CSMD1: variants seen among roughly 807,000 people sequenced by gnomAD.
CSMD1 encodes the protein CUB and Sushi multiple domains 1, also known as CUB and sushi domain-containing protein 1.
Under a neutral mutation model 417.5 loss-of-function variants are expected in CSMD1, and 213 were observed. The observed-to-expected ratio is 0.51, with a 90% CI of 0.46 to 0.57. The LOEUF (loss-of-function observed/expected upper bound fraction) is 0.57. CSMD1 is among the 20% of genes least tolerant of loss of function. The probability of loss-of-function intolerance (pLI) is 0.00; values close to 1 mark genes in which losing one functional copy is unlikely to be tolerated. For synonymous variants in CSMD1, 2,862 were observed against 1,736.8 expected (o/e 1.65, Z -16.11); for missense variants, 6,923 against 4,529.7 (o/e 1.53, Z -15.17).
chr8:3,501,046 T>G (rs1425050042), intron 10 of CSMD1, among the ~76,000 whole-genome samples: 2 of 152,116 alleles, frequency 1.3e-5, no homozygotes, highest in Non-Finnish European at 2.9e-5. Flanking sequence ...AAATATTAAT[T>G]TATAAACAAA....
intron 3 of CSMD1, among the ~76,000 whole-genome samples, chr8:4,194,901 T>C (rs1415462626): frequency 6.6e-6 from 1 of 152,102 alleles, no homozygotes; most frequent in Non-Finnish European, 1.5e-5. Flanking sequence ...GAACTGTTAG[T>C]TCTAATTTAA....
intron 2 of CSMD1, among the ~76,000 whole-genome samples, chr8:4,484,897 C>A (rs1801288620): frequency 7.1e-6 from 1 of 141,346 alleles, no homozygotes; most frequent in Non-Finnish European, 1.5e-5. Flanking sequence ...GGCGTGAACC[C>A]GGGAGGCAGA....
At chr8:4,560,919 A>T (rs1798302194) in intron 2 of CSMD1, among the ~76,000 whole-genome samples, 1 of 152,188 alleles carries the variant, frequency 6.6e-6, no homozygotes, top group Admixed American at 6.5e-5. Flanking sequence ...TCACTTATCA[A>T]AGATCCGTTT....
intron 3 of CSMD1, among the ~76,000 whole-genome samples, chr8:4,141,830 T>C (rs1234203298): frequency 1.3e-5 from 2 of 151,082 alleles, no homozygotes; most frequent in African/African-American, 4.9e-5. Flanking sequence ...ATATAATTCA[T>C]CATTTATCGT....
chr8:3,464,772 C>A (rs1027161828), intron 12 of CSMD1, among the ~76,000 whole-genome samples: 1 of 152,000 alleles, frequency 6.6e-6, no homozygotes, highest in East Asian at 1.9e-4. Flanking sequence ...TTACATCCTG[C>A]TTCTTAGCAT....
chr8:4,668,362 C>G (rs541807211), intron 1 of CSMD1, among the ~76,000 whole-genome samples: 82 of 151,282 alleles, frequency 5.4e-4, no homozygotes, highest in African/African-American at 1.8e-3. Flanking sequence ...GCCTTGAACC[C>G]TCGTCTCTAG....
rs150165874 is a variant in CSMD1 at position 3,097,807 on chromosome 8, G to A, written c.6950-770C>T. On this transcript the variant is annotated intron_variant, in intron 46 of 69. Transcript: ENST00000635120. ...TTAGCATAGTAATATTTAAACGTTC[G>A]ATGTGATTGCTCGGGACCCTGGGAA... 8.2e-3 allele frequency among the ~76,000 whole-genome samples: 1,251 copies of A among 152,286 alleles called. 16 individuals are homozygous for A. Among genetic ancestry groups the A allele is most frequent in the African/African-American group, 0.029 (1,192 of 41,568 alleles).
At chr8:4,411,649 T>C (rs556396826) in intron 3 of CSMD1, among the ~76,000 whole-genome samples, 3 of 152,126 alleles carry the variant, frequency 2.0e-5, no homozygotes, top group Non-Finnish European at 4.4e-5. Context: ...TTCTCAAACC[T>C]AATTTATTTT....
chr8:4,311,472 C>T (rs1360161660), intron 3 of CSMD1, among the ~76,000 whole-genome samples: 2 of 152,074 alleles, frequency 1.3e-5, no homozygotes, highest in South Asian at 4.1e-4. Context: ...GCTGTAATCC[C>T]AGCATTTCAG....
At chr8:3,771,220 G>A (rs57749374) in intron 5 of CSMD1, among the ~76,000 whole-genome samples, 2,082 of 152,184 alleles carry the variant, frequency 0.014, 39 homozygotes, top group African/African-American at 0.048. Context: ...CAGCTACTTT[G>A]GGGTTTTGAA....
At position 4,291,451 on chromosome 8, in the gene CSMD1, AAG is replaced by A. The variant is rs200120970; in HGVS notation, c.415+128500_415+128501del. ...AAGCATGGTAGAATTTGAATTAACT[AAG>A]AGAGAAGTATTTTTCTTTTTTATCT... On this transcript the variant is annotated intron_variant, in intron 3 of 69. Coordinates refer to ENST00000635120, the MANE Select transcript of CSMD1 (RefSeq NM_033225.6). Among the ~76,000 whole-genome samples the A allele has an allele frequency of 1.3e-3, 192 of 152,294 alleles. 4 individuals are homozygous for A. In the East Asian group the frequency reaches 0.026, roughly 21 times the overall value.
At chr8:4,140,234 C>T (rs534003790) in intron 3 of CSMD1, among the ~76,000 whole-genome samples, 3 of 132,594 alleles carry the variant, frequency 2.3e-5, no homozygotes, top group Non-Finnish European at 5.2e-5. Flanking sequence ...TATGAAGGCT[C>T]AGCCTGTCAT....
intron 5 of CSMD1, among the ~76,000 whole-genome samples, chr8:3,980,791 G>A (rs549241217): frequency 6.6e-6 from 1 of 152,234 alleles, no homozygotes; most frequent in African/African-American, 2.4e-5. Flanking sequence ...CTTAGACTGG[G>A]GATACATACC....
intron 3 of CSMD1, among the ~76,000 whole-genome samples, chr8:4,362,524 A>G (rs1045067780): frequency 6.6e-5 from 10 of 152,226 alleles, no homozygotes; most frequent in African/African-American, 2.2e-4. Flanking sequence ...TGTGCAATAG[A>G]TAGAACAGGA....
chr8:4,153,232 G>T (rs754210821), intron 3 of CSMD1, among the ~76,000 whole-genome samples: 1 of 152,194 alleles, frequency 6.6e-6, no homozygotes, highest in African/African-American at 2.4e-5. Flanking sequence ...AAGGGGAGCT[G>T]GAGAGTATGC....
chr8:3,072,942 C>A (rs377374745), intron 49 of CSMD1, among the ~76,000 whole-genome samples: 145 of 152,150 alleles, frequency 9.5e-4, no homozygotes, highest in African/African-American at 3.3e-3. Context: ...TAAGAATAGA[C>A]AAAATTGGCT....
intron 5 of CSMD1, among the ~76,000 whole-genome samples, chr8:3,842,769 T>G (rs574181745): frequency 6.6e-6 from 1 of 152,198 alleles, no homozygotes; most frequent in African/African-American, 2.4e-5. Flanking sequence ...GAGTTAATAT[T>G]TGATTTCAAA....
rs1330805148 is a variant in CSMD1 at position 3,481,582 on chromosome 8, A to T, written c.1448+12041T>A. On this transcript the variant is annotated intron_variant, in intron 11 of 69. Transcript: ENST00000635120. ...TTACTTTTCAGATGAAAGATTTTGC[A>T]AATGTGATTAAGTTAAGGATCGAAA... 4.6e-5 allele frequency among the ~76,000 whole-genome samples: 7 copies of T among 152,308 alleles called. No individual in the cohort carries two copies. The East Asian group carries it at 1.2e-3, about 25-fold the overall frequency.
At chr8:3,647,425 T>A (rs960235968) in intron 7 of CSMD1, among the ~76,000 whole-genome samples, 1 of 151,682 alleles carries the variant, frequency 6.6e-6, no homozygotes, top group Non-Finnish European at 1.5e-5. Context: ...AAAAACAGCA[T>A]AAAGAGAAAT....
Sources: allele counts gnomAD v4.1 joint callset (sites outside exome capture counted in the v4.1 genomes callset), GRCh38; gene constraint gnomAD v4.1.1; transcripts MANE v1.5; gene names NCBI Gene and HGNC (gene_info 2026-07-23, HGNC 2026-07-21).